Variants in AKAP12 observed in about 807,000 individuals in gnomAD.
The protein encoded by AKAP12 is A-kinase anchor protein 12.
A neutral mutation model predicts 79.9 loss-of-function variants in AKAP12; 32 were observed. The observed-to-expected ratio is 0.40, with a 90% CI of 0.30 to 0.54. AKAP12 has a LOEUF of 0.54. Among genes scored for constraint, AKAP12 ranks in the 20% least tolerant of loss-of-function variants. AKAP12 has a pLI of 0.48. For missense variants in AKAP12, 2,074 were observed against 2,177.0 expected, an observed-to-expected ratio of 0.95 and a Z score of 0.94; for synonymous variants, 808 against 857.0, an observed-to-expected ratio of 0.94 and a Z score of 1.00.
At chr6:151,269,551 T>C (rs1463215355) in intron 2 of AKAP12, among the ~76,000 whole-genome samples, 2 of 135,170 alleles carry the variant, frequency 1.5e-5, no homozygotes, top group East Asian at 2.0e-4. Context: ...GCATTGTAGT[T>C]CCATTGTAGT....
intron 2 of AKAP12, among the ~76,000 whole-genome samples, chr6:151,277,286 G>A (rs372096282): frequency 1.3e-5 from 2 of 152,280 alleles, no homozygotes; most frequent in African/African-American, 4.8e-5. Flanking sequence ...GCTTTAGTAA[G>A]CAATATGTAT....
chr6:151,352,044 A>T lies in AKAP12; in HGVS notation c.3653A>T (p.Lys1218Ile), dbSNP rs142951494. 818 of 1,614,140 alleles carry T rather than the reference A, an allele frequency of 5.1e-4. 9 individuals are homozygous for T. In the East Asian group the frequency reaches 0.013, roughly 25 times the overall value. The change falls in exon 4 of 5, where the codon AAA becomes ATA. Residue 1218 changes from lysine to isoleucine, a missense_variant. By Grantham distance (102) the Lys-to-Ile change is moderately radical. This residue lies in a region of AKAP12 where 614 missense variants were observed against 665.6 expected (regional missense o/e 0.92). Transcript: ENST00000402676. ...GTEAEAVPAQ[K>I]ERPPAPSSFV... The stretch of plus-strand genomic sequence containing the variant: ...GAAGCAGAGGCAGTTCCTGCACAGA[A>T]AGAGAGGCCTCCAGCACCTTCCAGT...
At position 151,318,463 on chromosome 6, in the gene AKAP12, G is replaced by T; in HGVS notation, c.319+12560G>T. Among the ~76,000 whole-genome samples the T allele has an allele frequency of 1.3e-5, 2 of 152,160 alleles. 1 individual carries two copies. On this transcript the variant is annotated intron_variant, in intron 3 of 4. Coordinates refer to ENST00000402676, the MANE Select transcript of AKAP12 (RefSeq NM_005100.4). ...TCAAATACCTTAGGATTCTTTGTCA[G>T]TGTTATCTTGATAGATGTCTGGCCA...
In AKAP12 at chr6:151,297,471, G is replaced by C. The variant is rs148908243; in HGVS notation, c.163-8276G>C. ...ACCTGTAATCCCAGCTACTCAGGAG[G>C]CTGAGGCAGGAGAATCGCTTGAACC... On this transcript the variant is annotated intron_variant, in intron 2 of 4. Transcript: ENST00000402676. Among the ~76,000 whole-genome samples, 318 of 151,752 alleles carry C rather than the reference G, an allele frequency of 2.1e-3. 6 individuals are homozygous for C. The East Asian group carries it at 0.054, about 26-fold the overall frequency.
chr6:151,323,946 G>A (rs951493479), intron 3 of AKAP12: 1 of 985,190 alleles, frequency 1.0e-6, no homozygotes, highest in African/African-American at 1.7e-5. Flanking sequence ...CTGGGGAAGG[G>A]ACTTATTAAT....
At chr6:151,288,389 C>A (rs1329287503) in intron 2 of AKAP12, among the ~76,000 whole-genome samples, 2 of 151,908 alleles carry the variant, frequency 1.3e-5, no homozygotes. Context: ...TGGTGGCAGG[C>A]ACCTGTAATT....
intron 3 of AKAP12, among the ~76,000 whole-genome samples, chr6:151,310,133 C>A (rs1465599508): frequency 3.9e-5 from 6 of 151,988 alleles, no homozygotes; most frequent in African/African-American, 1.2e-4. Flanking sequence ...GGGGCCGAGG[C>A]GAGTGGATCA....
chr6:151,294,967 A>G (rs1442271120), intron 2 of AKAP12, among the ~76,000 whole-genome samples: 1 of 152,214 alleles, frequency 6.6e-6, no homozygotes, highest in Non-Finnish European at 1.5e-5. Flanking sequence ...TGCACATTAA[A>G]GAGTCTTTAA....
rs1778293250 is a variant in AKAP12, at chr6:151,351,620, C to T, written c.3229C>T (p.Pro1077Ser). ...QPVQRAEAER[P>S]EEQAEASGLK... ...TGTGCAGAGAGCAGAGGCAGAAAGA[C>T]CAGAAGAGCAGGCTGAAGCGTCGGG... Residue 1077 changes from proline (P) to serine (S), a missense_variant, in exon 4 of 5, where the codon CCA (proline) becomes TCA (serine). Physicochemically the swap from Pro to Ser is moderately conservative, Grantham distance 74 (BLOSUM62 -1). Transcript: ENST00000402676. The surrounding 1 kb of genome is among the most constrained non-coding windows in gnomAD (Gnocchi z 4.4). 1 of 1,614,050 alleles carries T rather than the reference C, an allele frequency of 6.2e-7. No individual in the cohort carries two copies. Among genetic ancestry groups the T allele is most frequent in the Non-Finnish European group, 8.5e-7 (1 of 1,180,012 alleles).
rs1266254532 is a variant in AKAP12, at chr6:151,352,592, G to C, written c.4201G>C (p.Gly1401Arg). 2 of 1,614,194 alleles carry C rather than the reference G, an allele frequency of 1.2e-6. No homozygotes were observed. Among genetic ancestry groups the C allele is most frequent in the Non-Finnish European group, 1.7e-6 (2 of 1,180,036 alleles). ...GGAAGGAAGCCCTCCTCCCTGCCTA[G>C]GTCAAGAGGAGGCAGTATGCACCAA... ...SLEGSPPPCL[G>R]QEEAVCTKIQ... The change falls in exon 4 of 5, where the codon GGT becomes CGT. Residue 1401 changes from glycine to arginine, a missense_variant. Gly to Arg is a moderately radical substitution (Grantham distance 125). Around this residue, in one of 3 missense-constraint regions of AKAP12, gnomAD observed 614 missense variants for 665.6 expected, o/e 0.92. Transcript: ENST00000402676.
chr6:151,294,093 C>A (rs1045929725), intron 2 of AKAP12, among the ~76,000 whole-genome samples: 14 of 152,062 alleles, frequency 9.2e-5, no homozygotes, highest in Admixed American at 6.6e-4. Context: ...CCTGCCTCAG[C>A]CTCCCGAGTA....
At chr6:151,274,968 A>G (rs1158895406) in intron 2 of AKAP12, among the ~76,000 whole-genome samples, 2 of 151,990 alleles carry the variant, frequency 1.3e-5, no homozygotes, top group Non-Finnish European at 2.9e-5. Context: ...ACCAGGCCTG[A>G]TGGCACATTC....
chr6:151,325,579 C>T, intron 3 of AKAP12: 1 of 1,321,792 alleles, frequency 7.6e-7, no homozygotes, highest in Non-Finnish European at 9.7e-7. Context: ...TGGAGCTCAG[C>T]AAGGGAGGGG....
At chr6:151,279,809 T>G (rs1225219948) in intron 2 of AKAP12, among the ~76,000 whole-genome samples, 1 of 151,944 alleles carries the variant, frequency 6.6e-6, no homozygotes, top group Non-Finnish European at 1.5e-5. Context: ...ATTGCACCAC[T>G]GCACTCCATC....
intron 3 of AKAP12, among the ~76,000 whole-genome samples, chr6:151,314,803 C>T (rs539856603): frequency 3.6e-4 from 54 of 152,106 alleles, no homozygotes; most frequent in Non-Finnish European, 6.2e-4. Flanking sequence ...GCCTGTAATC[C>T]CAGCACTTTG....
At chr6:151,268,236 T>A (rs993134069) in intron 2 of AKAP12, among the ~76,000 whole-genome samples, 2 of 152,086 alleles carry the variant, frequency 1.3e-5, no homozygotes, top group African/African-American at 4.8e-5. Context: ...AACATGGAGA[T>A]GTATTTTTGT....
intron 2 of AKAP12, among the ~76,000 whole-genome samples, chr6:151,295,865 G>A (rs966669372): frequency 3.3e-5 from 5 of 152,184 alleles, no homozygotes; most frequent in African/African-American, 1.2e-4. Flanking sequence ...GTCCTGTGGA[G>A]CTGGAGGGAA....
intron 2 of AKAP12, among the ~76,000 whole-genome samples, chr6:151,278,342 A>G (rs112620779): frequency 2.3e-4 from 35 of 152,164 alleles, no homozygotes; most frequent in African/African-American, 8.2e-4. Context: ...TAGCCTCCCA[A>G]GTAGCTGGGA....
intron 2 of AKAP12, among the ~76,000 whole-genome samples, chr6:151,266,889 G>T (rs920653916): frequency 1.3e-5 from 2 of 151,946 alleles, no homozygotes; most frequent in Non-Finnish European, 2.9e-5. Flanking sequence ...GTATGTGGCT[G>T]AAGGTTGAAA....
Sources: allele counts gnomAD v4.1 joint callset (sites outside exome capture counted in the v4.1 genomes callset), GRCh38; gene constraint gnomAD v4.1.1; regional missense constraint gnomAD v4.1.1; non-coding constraint Gnocchi (gnomAD v3.1); transcripts MANE v1.5; gene names NCBI Gene and HGNC (gene_info 2026-07-23, HGNC 2026-07-21).